The following VWDE variants were observed in gnomAD, a reference collection of about 807,000 sequenced individuals.
The protein encoded by VWDE is von Willebrand factor D and EGF domains.
VWDE carries 207 observed loss-of-function variants against 178.4 expected under a neutral mutation model. The observed-to-expected ratio is 1.16, with a 90% CI of 1.04 to 1.30. The LOEUF (loss-of-function observed/expected upper bound fraction) is 1.30. Among genes scored for constraint, VWDE ranks in the 50% most tolerant of loss-of-function variants. The probability of loss-of-function intolerance (pLI) is 0.00; values close to 1 mark genes in which losing one functional copy is unlikely to be tolerated. For synonymous variants in VWDE, 738 were observed against 651.4 expected (o/e 1.13, Z -2.02); for missense variants, 2,287 against 1,901.3 (o/e 1.20, Z -3.77).
chr7:12,339,511 C>G (rs1781213113), intron 24 of VWDE, among the ~76,000 whole-genome samples: 1 of 152,222 alleles, frequency 6.6e-6, no homozygotes, highest in Middle Eastern at 3.4e-3. Context: ...GCCCGTATAT[C>G]CTGTGTTAGC....
chr7:12,392,440 G>A (rs1034912382), intron 2 of VWDE, among the ~76,000 whole-genome samples: 4 of 152,160 alleles, frequency 2.6e-5, no homozygotes, highest in African/African-American at 7.2e-5. Context: ...TGAACTGACA[G>A]GATAACTGGT....
In VWDE at chr7:12,344,247, C is replaced by T. The variant is rs749312537; in HGVS notation, c.4026G>A (p.Lys1342=). The change falls in exon 21 of 29, where the codon AAG becomes AAA. Residue 1342 remains lysine (K), a synonymous_variant. Transcript: ENST00000275358. ...PDCKNHGKCI[K]PNICQCLPGH... is the part of the protein sequence containing the mutation. ...CTGGAAGACACTGACAAATGTTAGG[C>T]TTAATACATTTTCCATGGTTTTTGC... 16 of 1,551,190 alleles carry T rather than the reference C, an allele frequency of 1.0e-5. No homozygotes were observed. Among genetic ancestry groups the T allele is most frequent in the Non-Finnish European group, 1.4e-5 (16 of 1,146,650 alleles).
rs1052484285 is a variant in VWDE at position 12,373,240 on chromosome 7, C to T, written c.1324G>A (p.Asp442Asn). The change falls in exon 10 of 29, where the codon GAT (aspartate) becomes AAT (asparagine). Residue 442 changes from aspartate (D) to asparagine (N), a missense_variant. Coordinates refer to ENST00000275358, the MANE Select transcript of VWDE (RefSeq NM_001135924.3). The stretch of plus-strand genomic sequence containing the variant: ...ACAAATGTTCCAGTCTTGAAATTAT[C>T]ATATACCCTATCATTAACAAAAGGC... ...HIITFDGRVY[D>N]NFKTGTFVLY... 6.4e-7 allele frequency: 1 copy of T among 1,550,488 alleles called. No homozygotes were observed.
intron 3 of VWDE, chr7:12,388,888 TG>T (rs1429608128): frequency 1.5e-6 from 1 of 673,730 alleles, no homozygotes; most frequent in Non-Finnish European, 2.8e-6. Flanking sequence ...TTATGTCCAG[TG>T]GAAAAATGTG....
In VWDE at chr7:12,380,658, A is replaced by C. The variant is rs748210519; in HGVS notation, c.617T>G (p.Leu206Arg). Residue 206 changes from leucine (L) to arginine (R), a missense_variant, in exon 5 of 29, where the codon CTT becomes CGT. By Grantham distance (102) the Leu-to-Arg change is moderately radical. Transcript: ENST00000275358. Reference sequence around the variant, plus strand: ...AACATCAAAAGAACACCTACAGAAAAGCCTGGACTCAATCAACTCCACCAG... The same window carrying C: ...AACATCAAAAGAACACCTACAGAAACGCCTGGACTCAATCAACTCCACCAG... ...EVLVELIESR[L>R]FCRCSFDVPA... 1 of 1,552,170 alleles carries C rather than the reference A, an allele frequency of 6.4e-7. No homozygotes were observed. Among genetic ancestry groups the C allele is most frequent in the Non-Finnish European group, 8.7e-7 (1 of 1,147,106 alleles).
intron 22 of VWDE, among the ~76,000 whole-genome samples, chr7:12,342,669 CTAT>C (rs201508499): frequency 1.3e-5 from 2 of 150,796 alleles, no homozygotes; most frequent in South Asian, 2.1e-4. Flanking sequence ...TTTCCATTTT[CTAT>C]TATTATGATT....
rs1479963809 is a variant in VWDE at position 12,393,655 on chromosome 7, G to A, written c.182C>T (p.Pro61Leu). ...AAGGATGAGAAATCTATACCATCCA[G>A]GGGAGAGGGAATGGTCACATATTAG... ...QDLICDHSLS[P>L]GWYRFLILDR... is the part of the protein sequence containing the mutation. Residue 61 changes from proline (P) to leucine (L), a missense_variant, in exon 2 of 29, where the codon CCT becomes CTT. Coordinates refer to ENST00000275358, the MANE Select transcript of VWDE (RefSeq NM_001135924.3). 6.4e-7 allele frequency: 1 copy of A among 1,551,208 alleles called. No homozygotes were observed. The highest frequency in any genetic ancestry group is 1.2e-5 in the South Asian group (1 of 84,036).
At position 12,370,778 on chromosome 7, in the gene VWDE, G is replaced by C; in HGVS notation, c.1674C>G (p.Tyr558Ter). ...SLTIRAPSVD[Y>*]RNTLGLCGTF... ...TTCCACAAAGTCCCAGAGTGTTTCT[G>C]TAATCTACACTAGGGGCTCTGATCG... The change falls in exon 11 of 29, where the codon TAC becomes TAG. Residue 558 changes from tyrosine to a stop codon, truncating the protein, a stop_gained. Transcript: ENST00000275358. LOFTEE classifies it high-confidence loss of function. 6.4e-7 allele frequency: 1 copy of C among 1,550,742 alleles called. No individual in the cohort carries two copies. The highest frequency in any genetic ancestry group is 1.2e-5 in the South Asian group (1 of 83,952).
intron 4 of VWDE, 25 bp downstream of exon 4, chr7:12,383,511 T>A: frequency 3.2e-6 from 5 of 1,545,244 alleles, no homozygotes; most frequent in Non-Finnish European, 4.4e-6. Flanking sequence ...AAAACACTAT[T>A]AAAAAAGCAA....
rs1253832442 is a variant in VWDE, at chr7:12,379,566, T to A, written c.790A>T (p.Ile264Leu). The A allele has an allele frequency of 6.5e-7, 1 of 1,535,134 alleles. No individual in the cohort carries two copies. The highest frequency in any genetic ancestry group is 1.4e-5 in the African/African-American group (1 of 72,268). The change falls in exon 6 of 29, where the codon ATA (isoleucine) becomes TTA (leucine). Residue 264 changes from isoleucine (I) to leucine (L), a missense_variant and splice_region_variant. Ile to Leu is a conservative substitution (Grantham distance 5). Coordinates refer to ENST00000275358, the MANE Select transcript of VWDE (RefSeq NM_001135924.3). The stretch of plus-strand genomic sequence containing the variant: ...AAAAAGACAGAAGCGCTGCAGAATA[T>A]CTATGGATATAATTAAAAAATAATC... Reference protein sequence around the residue: ...DGINLRLGDRIFCSASVFFLE... With the variant: ...DGINLRLGDRLFCSASVFFLE...
At chr7:12,335,699 C>T (rs1031542080) in intron 27 of VWDE, among the ~76,000 whole-genome samples, 2 of 152,224 alleles carry the variant, frequency 1.3e-5, no homozygotes, top group African/African-American at 4.8e-5. Flanking sequence ...TGGTGATCCG[C>T]TGGCCTTGGC....
chr7:12,333,418 C>G (rs930885002), intron 28 of VWDE, 47 bp downstream of exon 28: 2 of 1,176,328 alleles, frequency 1.7e-6, no homozygotes, highest in African/African-American at 3.1e-5. Flanking sequence ...AAGAGATATG[C>G]AAATGTCAAT....
At position 12,369,618 on chromosome 7, in the gene VWDE, G is replaced by A; in HGVS notation, c.2688C>T (p.Gly896=). 1 of 1,551,418 alleles carries A rather than the reference G, an allele frequency of 6.4e-7. No homozygotes were observed. The highest frequency in any genetic ancestry group is 2.4e-5 in the East Asian group (1 of 40,904). Residue 896 remains glycine, a synonymous_variant, in exon 12 of 29, where the codon GGC becomes GGT. Transcript: ENST00000275358. ...ACCCCCATTCCATGCACTGCCCATT[G>A]CCGCTGCATAAATTGGGGCATTTTA... is the stretch of plus-strand genomic sequence containing the variant. The part of the protein sequence containing the change: ...SVLKCPNLCS[G]NGQCMEWGCA...
At chr7:12,373,586 C>G (rs1466039923) in intron 9 of VWDE, among the ~76,000 whole-genome samples, 3 of 152,144 alleles carry the variant, frequency 2.0e-5, no homozygotes, top group Admixed American at 2.0e-4. Flanking sequence ...TCCAACCCCT[C>G]TTTTCAGCCT....
chr7:12,332,968 T>TGTGG (rs3047811), intron 28 of VWDE, among the ~76,000 whole-genome samples: 1 of 151,754 alleles, frequency 6.6e-6, no homozygotes, highest in Non-Finnish European at 1.5e-5. Flanking sequence ...GCTGCATTTG[T>TGTGG]CTGTATGTTT....
At chr7:12,376,922 T>G (rs1235513560) in intron 7 of VWDE, among the ~76,000 whole-genome samples, 1 of 152,052 alleles carries the variant, frequency 6.6e-6, no homozygotes, top group African/African-American at 2.4e-5. Context: ...CTTTTTTATC[T>G]TCTTGTTTCT....
At chr7:12,344,351 A>C in intron 20 of VWDE, 23 bp downstream of exon 20, 1 of 1,549,084 alleles carries the variant, frequency 6.5e-7, no homozygotes, top group Non-Finnish European at 8.7e-7. Flanking sequence ...TTATCATGCA[A>C]ACTAATGAAT....
chr7:12,345,205 C>T (rs1781539781), intron 19 of VWDE, among the ~76,000 whole-genome samples: 2 of 151,790 alleles, frequency 1.3e-5, no homozygotes, highest in Non-Finnish European at 2.9e-5. Flanking sequence ...AATAACTCAG[C>T]AGACCCACTT....
At position 12,337,048 on chromosome 7, in the gene VWDE, A is replaced by C; in HGVS notation, c.4498T>G (p.Cys1500Gly). 6.4e-7 allele frequency: 1 copy of C among 1,551,434 alleles called. No homozygotes were observed. Among genetic ancestry groups the C allele is most frequent in the East Asian group, 2.4e-5 (1 of 40,906 alleles). The change falls in exon 26 of 29, where the codon TGT becomes GGT. Residue 1500 changes from cysteine (C) to glycine (G), a missense_variant. By Grantham distance (159) the Cys-to-Gly change is radical. Coordinates refer to ENST00000275358, the MANE Select transcript of VWDE (RefSeq NM_001135924.3). ...CDPTCMNGGKCVGPSTCSCPS... is the reference protein window; with the variant it reads ...CDPTCMNGGKGVGPSTCSCPS... ...CAAGAGCAAGTGCTTGGTCCCACAC[A>C]TTTTCCTCCATTCATGCACGTAGGA...
Sources: allele counts gnomAD v4.1 joint callset (sites outside exome capture counted in the v4.1 genomes callset), GRCh38; gene constraint gnomAD v4.1.1; transcripts MANE v1.5; gene names NCBI Gene and HGNC (gene_info 2026-07-23, HGNC 2026-07-21).